Variants in IL1RAPL1 observed in about 807,000 individuals in gnomAD.
The protein encoded by IL1RAPL1 is interleukin-1 receptor accessory protein-like 1.
A neutral mutation model predicts 48.4 loss-of-function variants in IL1RAPL1; 3 were observed. The observed-to-expected ratio is 0.06, with a 90% CI of 0.03 to 0.16. IL1RAPL1 has a LOEUF of 0.16. Among genes scored for constraint, IL1RAPL1 ranks in the 10% least tolerant of loss-of-function variants. The pLI, the probability that IL1RAPL1 is intolerant of heterozygous loss-of-function variation, is 1.00. For synonymous variants in IL1RAPL1, 185 were observed against 187.7 expected, an observed-to-expected ratio of 0.99 and a Z score of 0.12; for missense variants, 349 against 530.6, an observed-to-expected ratio of 0.66 and a Z score of 3.36.
At chrX:29,185,939 T>C (rs188733657) in intron 2 of IL1RAPL1, among the ~76,000 whole-genome samples, 23 of 111,307 alleles carry the variant, frequency 2.1e-4, no homozygotes, top group African/African-American at 7.5e-4. Context: ...AGCAAATGAC[T>C]AAGAAGAAGG....
At chrX:29,003,936 G>A (rs898068029) in intron 2 of IL1RAPL1, among the ~76,000 whole-genome samples, 10 of 112,090 alleles carry the variant, frequency 8.9e-5, no homozygotes, top group Admixed American at 2.8e-4. Flanking sequence ...GAAGTCAGGA[G>A]TTTGAGACCA....
intron 2 of IL1RAPL1, among the ~76,000 whole-genome samples, chrX:29,276,484 AGG>A (rs1932120628): frequency 8.9e-6 from 1 of 111,877 alleles, no homozygotes; most frequent in Non-Finnish European, 1.9e-5. Flanking sequence ...TTTAATTATC[AGG>A]GTTAAAAATA....
At chrX:29,830,333 A>G (rs1930843985) in intron 6 of IL1RAPL1, among the ~76,000 whole-genome samples, 1 of 111,831 alleles carries the variant, frequency 8.9e-6, no homozygotes, top group South Asian at 3.7e-4. Flanking sequence ...ATGAATTTTC[A>G]TATACTTTAA....
chrX:29,664,403 CAA>C (rs569100581), intron 5 of IL1RAPL1, among the ~76,000 whole-genome samples: 2 of 40,727 alleles, frequency 4.9e-5, no homozygotes, highest in Non-Finnish European at 5.0e-5. Flanking sequence ...GACTCCGTCT[CAA>C]AAAAAAAAAA....
At chrX:29,842,606 T>G (rs1412651909) in intron 6 of IL1RAPL1, among the ~76,000 whole-genome samples, 1 of 112,334 alleles carries the variant, frequency 8.9e-6, no homozygotes, top group Non-Finnish European at 1.9e-5. Flanking sequence ...TGGCCTCTGT[T>G]GTGTACTTCA....
intron 1 of IL1RAPL1, among the ~76,000 whole-genome samples, chrX:28,606,951 T>A (rs1217443322): frequency 9.0e-6 from 1 of 111,499 alleles, no homozygotes; most frequent in Non-Finnish European, 1.9e-5. Flanking sequence ...TAGGTTTTAG[T>A]GTGCGGGATT....
At chrX:29,068,623 C>A (rs1480384343) in intron 2 of IL1RAPL1, among the ~76,000 whole-genome samples, 1 of 112,191 alleles carries the variant, frequency 8.9e-6, no homozygotes, top group Non-Finnish European at 1.9e-5. Flanking sequence ...ACAGCAGATA[C>A]AAGAGCATGA....
At chrX:28,726,688 T>C (rs189965843) in intron 1 of IL1RAPL1, among the ~76,000 whole-genome samples, 2 of 112,380 alleles carry the variant, frequency 1.8e-5, no homozygotes, top group Admixed American at 9.5e-5. Flanking sequence ...AATTGACTTA[T>C]ATCATCCTCA....
intron 5 of IL1RAPL1, among the ~76,000 whole-genome samples, chrX:29,613,766 T>C (rs1159582517): frequency 1.1e-5 from 1 of 92,581 alleles, no homozygotes; most frequent in African/African-American, 4.0e-5. Flanking sequence ...TGTTTCTTTT[T>C]TTTTTTTTTT....
chrX:29,743,588 C>A, intron 6 of IL1RAPL1, among the ~76,000 whole-genome samples: 1 of 111,439 alleles, frequency 9.0e-6, no homozygotes, highest in Non-Finnish European at 1.9e-5. Context: ...CTAGTTCAAG[C>A]GATTCTCCTC....
chrX:29,387,022 T>C (rs1056179048), intron 3 of IL1RAPL1, among the ~76,000 whole-genome samples: 1 of 112,430 alleles, frequency 8.9e-6, no homozygotes, highest in African/African-American at 3.2e-5. Flanking sequence ...AGGAAAGATA[T>C]GCTGCATATA....
At position 28,649,021 on chromosome X, in the gene IL1RAPL1, A is replaced by G. The variant is rs144581198; in HGVS notation, c.-25+60974A>G. 4.2e-4 allele frequency among the ~76,000 whole-genome samples: 47 copies of G among 112,071 alleles called. 2 individuals are homozygous for G. The East Asian group carries it at 0.013, about 30-fold the overall frequency. On this transcript the variant is annotated intron_variant, in intron 1 of 10. Coordinates refer to ENST00000378993, the MANE Select transcript of IL1RAPL1 (RefSeq NM_014271.4). Reference sequence around the variant, plus strand: ...TAAGAGCTTAAGTAAGGTGAATTTCATCATTAACTTATTATTGTCATGGAA... The same window carrying G: ...TAAGAGCTTAAGTAAGGTGAATTTCGTCATTAACTTATTATTGTCATGGAA...
chrX:29,566,445 A>C (rs1025385883), intron 5 of IL1RAPL1, among the ~76,000 whole-genome samples: 1 of 111,670 alleles, frequency 9.0e-6, no homozygotes, highest in African/African-American at 3.3e-5. Flanking sequence ...AAAAAAATTA[A>C]AACACAAAAT....
chrX:29,463,691 C>A (rs1241845601), intron 5 of IL1RAPL1, among the ~76,000 whole-genome samples: 1 of 111,679 alleles, frequency 9.0e-6, no homozygotes, highest in African/African-American at 3.3e-5. Flanking sequence ...GACACACCTC[C>A]CATTATGAGG....
intron 5 of IL1RAPL1, among the ~76,000 whole-genome samples, chrX:29,653,415 A>G (rs1421391177): frequency 8.9e-6 from 1 of 111,823 alleles, no homozygotes; most frequent in Non-Finnish European, 1.9e-5. Context: ...CTAAGAACAA[A>G]TTTGCAGATT....
chrX:28,898,037 A>C (rs535241436), intron 2 of IL1RAPL1, among the ~76,000 whole-genome samples: 2 of 111,436 alleles, frequency 1.8e-5, no homozygotes, highest in East Asian at 5.7e-4. Context: ...GTGGAATGTC[A>C]TTAGTTAAGG....
chrX:29,887,552 A>G (rs1932190697), intron 6 of IL1RAPL1, among the ~76,000 whole-genome samples: 1 of 112,509 alleles, frequency 8.9e-6, no homozygotes, highest in Non-Finnish European at 1.9e-5. Context: ...CCATTTAAAA[A>G]AATGAGGCTG....
intron 5 of IL1RAPL1, among the ~76,000 whole-genome samples, chrX:29,606,063 A>C (rs1286590416): frequency 8.9e-6 from 1 of 112,311 alleles, no homozygotes; most frequent in Non-Finnish European, 1.9e-5. Context: ...TAACATCTGA[A>C]TGATTACTTC....
At chrX:28,787,002 A>C (rs773844649) in intron 1 of IL1RAPL1, among the ~76,000 whole-genome samples, 1 of 112,156 alleles carries the variant, frequency 8.9e-6, no homozygotes, top group Admixed American at 9.5e-5. Flanking sequence ...AGATTATTAT[A>C]GATTGACCAA....
Sources: gnomAD v4.1 joint callset for allele counts (sites outside exome capture counted in the v4.1 genomes callset) on GRCh38, gnomAD v4.1.1 for gene constraint, MANE v1.5 for transcripts, NCBI Gene and HGNC (gene_info 2026-07-23, HGNC 2026-07-21) for gene names.